CSPP1: variants seen among roughly 807,000 people sequenced by gnomAD.
CSPP1 encodes the protein centrosome and spindle pole-associated protein 1.
CSPP1 carries 126 observed loss-of-function variants against 164.4 expected under a neutral mutation model. The ratio of observed to expected loss-of-function variants is 0.77; its 90% CI spans 0.66 to 0.89. CSPP1 has a LOEUF of 0.89. Ranked by LOEUF, CSPP1 falls within the 40% of genes least tolerant of loss-of-function variation. The probability of loss-of-function intolerance (pLI) is 0.00; values close to 1 mark genes in which losing one functional copy is unlikely to be tolerated. For missense variants in CSPP1, 1,395 were observed against 1,449.8 expected (o/e 0.96, Z 0.61); for synonymous variants, 472 against 476.7 (o/e 0.99, Z 0.13).
intron 24 of CSPP1, among the ~76,000 whole-genome samples, chr8:67,166,978 C>T (rs1347574368): frequency 2.0e-5 from 3 of 152,036 alleles, no homozygotes; most frequent in Non-Finnish European, 2.9e-5. Flanking sequence ...CATCTTGCAC[C>T]GCCCTTAATC....
intron 12 of CSPP1, 40 bp from the exon 13 acceptor site, chr8:67,115,874 T>C (rs377666843): frequency 8.5e-6 from 13 of 1,526,806 alleles, no homozygotes; most frequent in African/African-American, 1.4e-5. Flanking sequence ...TTTAAACTTA[T>C]GATTATATGT....
intron 7 of CSPP1, among the ~76,000 whole-genome samples, chr8:67,097,591 A>C (rs1417984738): frequency 1.3e-5 from 2 of 152,152 alleles, no homozygotes; most frequent in African/African-American, 2.4e-5. Context: ...TTTGTACATG[A>C]GAACTTCTTT....
At chr8:67,116,661 T>C (rs937077180) in intron 13 of CSPP1, among the ~76,000 whole-genome samples, 2 of 152,216 alleles carry the variant, frequency 1.3e-5, no homozygotes, top group East Asian at 3.8e-4. Context: ...ATTTGATTTC[T>C]GTAGGTGAAA....
rs569150574 is a variant in CSPP1 at position 67,153,109 on chromosome 8, GGAGAA to G, written c.2129-914_2129-910del. 1.0e-3 allele frequency among the ~76,000 whole-genome samples: 156 copies of G among 152,262 alleles called. No individual in the cohort carries two copies. The Middle Eastern group carries it at 0.017, about 17-fold the overall frequency. ...CCCAGCTACTTGGGAGGCTGAAGCAGGAGAATAGCTTGAACCTGGGAGGCAGAGGT... is the reference window on the plus strand; with the variant it reads ...CCCAGCTACTTGGGAGGCTGAAGCAGTAGCTTGAACCTGGGAGGCAGAGGT... On this transcript the variant is annotated intron_variant, in intron 18 of 30. Coordinates refer to ENST00000678616, the MANE Select transcript of CSPP1 (RefSeq NM_001382391.1).
chr8:67,065,619 C>A, intron 1 of CSPP1: 1 of 489,530 alleles, frequency 2.0e-6, no homozygotes, highest in Non-Finnish European at 2.7e-6. Flanking sequence ...AAATGCTCCA[C>A]AAGGATCAAG....
At chr8:67,144,695 C>T (rs574955074) in intron 17 of CSPP1, among the ~76,000 whole-genome samples, 2 of 152,126 alleles carry the variant, frequency 1.3e-5, no homozygotes, top group African/African-American at 4.8e-5. Context: ...GATCCTCCCA[C>T]CTTGGCCTCC....
intron 15 of CSPP1, among the ~76,000 whole-genome samples, chr8:67,127,658 T>TC (rs1457737169): frequency 1.3e-5 from 2 of 152,214 alleles, no homozygotes; most frequent in African/African-American, 4.8e-5. Flanking sequence ...TTCTTAAAGT[T>TC]CTTATTCTGC....
intron 3 of CSPP1, among the ~76,000 whole-genome samples, chr8:67,078,459 C>T (rs76026137): frequency 0.036 from 5,420 of 152,148 alleles, 202 homozygotes; most frequent in African/African-American, 0.082. Flanking sequence ...CATCCTCCCT[C>T]CTCAGCCTCC....
At chr8:67,191,892 T>C (rs1836356474) in intron 29 of CSPP1, among the ~76,000 whole-genome samples, 1 of 152,212 alleles carries the variant, frequency 6.6e-6, no homozygotes, top group Non-Finnish European at 1.5e-5. Flanking sequence ...GTAATTTCTG[T>C]ATATCCTGGC....
Position 67,158,508 on chromosome 8 carries a change from AAG to A in CSPP1, c.2305_2306del (p.Glu769ArgfsTer16). The A allele has an allele frequency of 6.2e-7, 1 of 1,613,366 alleles. No individual in the cohort carries two copies. Among genetic ancestry groups the A allele is most frequent in the Non-Finnish European group, 8.5e-7 (1 of 1,179,536 alleles). ...GAGAGACTGAGAATTGCAGAAGAAA[AAG>A]AAGAAAGACGGCTTGCAGAACAGAG... On this transcript the variant is annotated frameshift_variant, in exon 20 of 31. Transcript: ENST00000678616. LOFTEE classifies it high-confidence loss of function.
chr8:67,186,526 G>C (rs907220670), intron 28 of CSPP1, among the ~76,000 whole-genome samples: 5 of 151,514 alleles, frequency 3.3e-5, no homozygotes, highest in African/African-American at 1.2e-4. Flanking sequence ...ACTTGGAATA[G>C]AGGGGGAACT....
chr8:67,176,460 A>G (rs558213122), intron 26 of CSPP1, among the ~76,000 whole-genome samples: 72 of 152,292 alleles, frequency 4.7e-4, no homozygotes, highest in Middle Eastern at 6.8e-3. Flanking sequence ...TCGTCCCTTC[A>G]TCTGGTACAG....
intron 16 of CSPP1, among the ~76,000 whole-genome samples, chr8:67,137,094 G>T (rs781348003): frequency 2.6e-5 from 4 of 151,956 alleles, no homozygotes; most frequent in African/African-American, 9.7e-5. Context: ...TGATTCTTGT[G>T]CCTCAGACAC....
intron 29 of CSPP1, among the ~76,000 whole-genome samples, chr8:67,192,332 C>T (rs1242834443): frequency 6.6e-6 from 1 of 152,202 alleles, no homozygotes; most frequent in Admixed American, 6.5e-5. Flanking sequence ...GCCTCGGCCT[C>T]CCAGAGTGCT....
intron 23 of CSPP1, 135 bp downstream of exon 23, chr8:67,163,933 T>C: frequency 1.6e-6 from 1 of 633,798 alleles, no homozygotes; most frequent in East Asian, 2.8e-5. Flanking sequence ...TCTCCAACTT[T>C]CCCCTGGGGT....
At chr8:67,136,971 T>A (rs951993443) in intron 16 of CSPP1, among the ~76,000 whole-genome samples, 14 of 151,918 alleles carry the variant, frequency 9.2e-5, no homozygotes, top group Non-Finnish European at 2.1e-4. Context: ...GCCATTGAAT[T>A]ATTTTTATTT....
chr8:67,148,058 A>G (rs1249143786), intron 17 of CSPP1, among the ~76,000 whole-genome samples: 2 of 149,916 alleles, frequency 1.3e-5, no homozygotes, highest in African/African-American at 2.5e-5. Context: ...AGCTGGGACT[A>G]CAGGTACATG....
At chr8:67,076,996 C>T (rs1808061225) in intron 3 of CSPP1, among the ~76,000 whole-genome samples, 1 of 152,064 alleles carries the variant, frequency 6.6e-6, no homozygotes, top group African/African-American at 2.4e-5. Context: ...TATTGATGAT[C>T]ATGTTGGAAT....
At chr8:67,135,432 G>A (rs767951753) in intron 16 of CSPP1, 2 of 152,226 alleles carry the variant, frequency 1.3e-5, no homozygotes, top group African/African-American at 4.8e-5. Context: ...AAAGTTTTGG[G>A]ATTACAGGTG....
Sources: allele counts gnomAD v4.1 joint callset (sites outside exome capture counted in the v4.1 genomes callset), GRCh38; gene constraint gnomAD v4.1.1; transcripts MANE v1.5; gene names NCBI Gene and HGNC (gene_info 2026-07-23, HGNC 2026-07-21).